POLR2D: variants seen among roughly 807,000 people sequenced by gnomAD.
POLR2D encodes the protein RNA polymerase II subunit D.
In POLR2D, 10 loss-of-function variants were observed where a neutral mutation model predicts 17.6. The observed-to-expected ratio is 0.57, with a 90% CI of 0.35 to 0.96. POLR2D has a LOEUF of 0.96. Among genes scored for constraint, POLR2D ranks in the 40% least tolerant of loss-of-function variants. The probability of loss-of-function intolerance (pLI) is 0.02; values close to 1 mark genes in which losing one functional copy is unlikely to be tolerated. For missense variants in POLR2D, 126 were observed against 176.4 expected (o/e 0.71, Z 1.62); for synonymous variants, 52 against 60.2 (o/e 0.86, Z 0.63).
chr2:127,856,677 A>G (rs755805097), intron 1 of POLR2D, among the ~76,000 whole-genome samples: 7 of 152,238 alleles, frequency 4.6e-5, no homozygotes, highest in Admixed American at 1.3e-4. Context: ...CAAAAAACAC[A>G]TAATAAACAT....
intron 1 of POLR2D, 78 bp downstream of exon 1, chr2:127,857,950 G>A: frequency 3.9e-6 from 6 of 1,533,174 alleles, no homozygotes; most frequent in Non-Finnish European, 5.3e-6. Context: ...GCAGGGCCTT[G>A]GGCGAAGCGC....
Position 127,845,071 on chromosome 2 carries a change from G to C in POLR2D, c.*3036C>G, listed in dbSNP as rs770572568. The C allele has an allele frequency of 6.6e-6, 1 of 152,194 alleles. No homozygotes were observed. The highest frequency in any genetic ancestry group is 1.5e-5 in the Non-Finnish European group (1 of 68,074). 9.4% of individuals were successfully genotyped at this position (152,194 alleles called of 1,614,324 possible). ...TCTCAGGTAGCTCACAGAACCCCTG[G>C]CACATAGGTGGAAACACCAGTAAAG... On this transcript the variant is annotated 3_prime_UTR_variant, in exon 4 of 4. Transcript: ENST00000272645.
chr2:127,851,683 C>T (rs893970678), intron 2 of POLR2D, among the ~76,000 whole-genome samples: 10 of 152,218 alleles, frequency 6.6e-5, no homozygotes, highest in African/African-American at 2.4e-4. Flanking sequence ...ACTCATTACA[C>T]ATTCTAAGTA....
chr2:127,851,158 G>A (rs1032393148), intron 2 of POLR2D, among the ~76,000 whole-genome samples: 1 of 152,176 alleles, frequency 6.6e-6, no homozygotes, highest in East Asian at 1.9e-4. Context: ...GGAGGCTGCA[G>A]TGAGCCAAGA....
intron 1 of POLR2D, among the ~76,000 whole-genome samples, chr2:127,855,484 G>C (rs1187432979): frequency 6.6e-6 from 1 of 151,502 alleles, no homozygotes; most frequent in Non-Finnish European, 1.5e-5. Context: ...GAACTTTTAG[G>C]ACACCAGGAA....
At chr2:127,857,916 G>T in intron 1 of POLR2D, 112 bp downstream of exon 1, 2 of 1,443,992 alleles carry the variant, frequency 1.4e-6, no homozygotes, top group South Asian at 1.4e-5. Context: ...CGCCGCGCTG[G>T]GGCTTGCCCA....
chr2:127,844,610 C>T lies in POLR2D; in HGVS notation c.*3497G>A, dbSNP rs1271375064. 1.3e-5 allele frequency: 2 copies of T among 152,172 alleles called. No individual in the cohort carries two copies. The highest frequency in any genetic ancestry group is 6.6e-5 in the Admixed American group (1 of 15,260). 9.4% of individuals were successfully genotyped at this position (152,172 alleles called of 1,614,324 possible). A position where few individuals can be genotyped will look rare whatever the true frequency, so the allele number is the denominator to read the frequency against. On this transcript the variant is annotated 3_prime_UTR_variant, in exon 4 of 4. Transcript: ENST00000272645. ...TGACCAGGCTTTCAACCTACAACAG[C>T]ATGAGGTTGCTTTACCAAGTTCCCT...
intron 1 of POLR2D, among the ~76,000 whole-genome samples, chr2:127,855,231 A>G (rs1416460738): frequency 1.3e-5 from 2 of 151,872 alleles, no homozygotes; most frequent in Non-Finnish European, 2.9e-5. Flanking sequence ...CATCTCTACT[A>G]AAAATACAAA....
intron 2 of POLR2D, among the ~76,000 whole-genome samples, chr2:127,851,185 C>T (rs937549164): frequency 3.4e-4 from 52 of 152,286 alleles, no homozygotes; most frequent in African/African-American, 1.2e-3. Context: ...CACTGCACTC[C>T]AGCCTGGGTG....
rs368249434 is a variant in POLR2D at position 127,858,078 on chromosome 2, G to T, written c.23C>A (p.Pro8Gln). The change falls in exon 1 of 4, where the codon CCG becomes CAG. Residue 8 changes from proline to glutamine, a missense_variant. By Grantham distance (76) the Pro-to-Gln change is moderately conservative. Around this residue, in one of 2 missense-constraint regions of POLR2D, gnomAD observed 41 missense variants for 24.9 expected, o/e 1.64. Coordinates refer to ENST00000272645, the MANE Select transcript of POLR2D (RefSeq NM_004805.4). Reference sequence around the variant, plus strand: ...GTCCTCCTCTACGTCGCCAGCCCGCGGATCGCTGCCACCCGCCGCCATCGC... The same window carrying T: ...GTCCTCCTCTACGTCGCCAGCCCGCTGATCGCTGCCACCCGCCGCCATCGC... MAAGGSD[P>Q]RAGDVEEDAS... is the part of the protein sequence containing the mutation. 2 of 1,538,188 alleles carry T rather than the reference G, an allele frequency of 1.3e-6. No homozygotes were observed. Among genetic ancestry groups the T allele is most frequent in the South Asian group, 1.2e-5 (1 of 82,860 alleles).
At position 127,852,943 on chromosome 2, in the gene POLR2D, G is replaced by A. The variant is rs374268513; in HGVS notation, c.236C>T (p.Thr79Ile). 6.2e-7 allele frequency: 1 copy of A among 1,613,566 alleles called. No homozygotes were observed. Among genetic ancestry groups the A allele is most frequent in the South Asian group, 1.1e-5 (1 of 90,944 alleles). The change falls in exon 2 of 4, where the codon ACC becomes ATC. Residue 79 changes from threonine (T) to isoleucine (I), a missense_variant. Around this residue, in one of 2 missense-constraint regions of POLR2D, gnomAD observed 85 missense variants for 151.4 expected, o/e 0.56. Transcript: ENST00000272645. This position sits in a 1 kb window ranked among gnomAD's most constrained non-coding sequence, Gnocchi z 4.0. Reference protein sequence around the residue: ...ARFSRFKNRETIASVRSLLLQ... With the variant: ...ARFSRFKNREIIASVRSLLLQ... ...CACTCACCTACGAACACTGGCAATG[G>A]TCTCTCTGTTTTTGAAACGACTGAA...
At position 127,848,310 on chromosome 2, in the gene POLR2D, C is replaced by A. The variant is rs1056380968; in HGVS notation, c.351-125G>T. On this transcript the variant is annotated intron_variant, in intron 3 of 3. Coordinates refer to ENST00000272645, the MANE Select transcript of POLR2D (RefSeq NM_004805.4). ...TTACCTTTCATCTGGATTTCTTTTC[C>A]ACTTTTCCTGATAAAACATTACAAA... The A allele has an allele frequency of 2.6e-5, 16 of 606,232 alleles. 1 individual carries two copies. In the South Asian group the frequency reaches 3.4e-4, roughly 13 times the overall value. The allele number at this position is 606,232 out of a possible 1,614,324, so 37.6% of individuals were successfully genotyped here. A position where few individuals can be genotyped will look rare whatever the true frequency, so the allele number is the denominator to read the frequency against.
Position 127,846,470 on chromosome 2 carries a change from A to C in POLR2D, c.*1637T>G, listed in dbSNP as rs1487112739. Reference sequence around the variant, plus strand: ...CAAAGCTAGAATGTTTAGCTATTGAAGTGTTTTCCCCCAGACTGAGATCAA... The same window carrying C: ...CAAAGCTAGAATGTTTAGCTATTGACGTGTTTTCCCCCAGACTGAGATCAA... On this transcript the variant is annotated 3_prime_UTR_variant, in exon 4 of 4. Transcript: ENST00000272645. The C allele has an allele frequency of 2.0e-5, 3 of 152,120 alleles. No homozygotes were observed. The highest frequency in any genetic ancestry group is 7.2e-5 in the African/African-American group (3 of 41,432). The allele number at this position is 152,120 out of a possible 1,614,324, so 9.4% of individuals were successfully genotyped here.
chr2:127,853,319 A>T (rs1690278893), intron 1 of POLR2D, among the ~76,000 whole-genome samples: 2 of 152,184 alleles, frequency 1.3e-5, no homozygotes. Context: ...TTTGGCGAAC[A>T]GACTATTTTG....
In POLR2D at chr2:127,847,233, G is replaced by A. The variant is rs1690172088; in HGVS notation, c.*874C>T. ...GTAGCCATCTATCTCAAGGGGCTAT[G>A]GGCTCCACAATACTTAGCACTTGTC... is the stretch of plus-strand genomic sequence containing the variant. On this transcript the variant is annotated 3_prime_UTR_variant, in exon 4 of 4. Coordinates refer to ENST00000272645, the MANE Select transcript of POLR2D (RefSeq NM_004805.4). 1.3e-5 allele frequency: 2 copies of A among 152,302 alleles called. No homozygotes were observed. The highest frequency in any genetic ancestry group is 4.1e-4 in the South Asian group (2 of 4,830). The allele number at this position is 152,302 out of a possible 1,614,324, so 9.4% of individuals were successfully genotyped here.
In POLR2D at chr2:127,844,395, T is replaced by C. The variant is rs1359324958; in HGVS notation, c.*3712A>G. On this transcript the variant is annotated 3_prime_UTR_variant, in exon 4 of 4. Transcript: ENST00000272645. Reference sequence around the variant, plus strand: ...GACTTATCTGGTTAATTTAGCTTTCTGGTGAAGTGAGGGTTTGACAACCTA... The same window carrying C: ...GACTTATCTGGTTAATTTAGCTTTCCGGTGAAGTGAGGGTTTGACAACCTA... 3.9e-5 allele frequency: 6 copies of C among 152,270 alleles called. No homozygotes were observed. Among genetic ancestry groups the C allele is most frequent in the Non-Finnish European group, 8.8e-5 (6 of 68,052 alleles). The allele number at this position is 152,270 out of a possible 1,614,324, so 9.4% of individuals were successfully genotyped here.
At position 127,847,325 on chromosome 2, in the gene POLR2D, G is replaced by C. The variant is rs1690173634; in HGVS notation, c.*782C>G. 1 of 152,190 alleles carries C rather than the reference G, an allele frequency of 6.6e-6. No individual in the cohort carries two copies. Among genetic ancestry groups the C allele is most frequent in the Non-Finnish European group, 1.5e-5 (1 of 68,112 alleles). The allele number at this position is 152,190 out of a possible 1,614,324, so 9.4% of individuals were successfully genotyped here. A position where few individuals can be genotyped will look rare whatever the true frequency, so the allele number is the denominator to read the frequency against. ...CCAGGTTAGGCACAACGATGCCAAG[G>C]TGCTGTCATCGACACTCCCATCCTT... On this transcript the variant is annotated 3_prime_UTR_variant, in exon 4 of 4. Transcript: ENST00000272645.
At chr2:127,855,392 C>A (rs1438029019) in intron 1 of POLR2D, among the ~76,000 whole-genome samples, 8 of 97,464 alleles carry the variant, frequency 8.2e-5, no homozygotes, top group East Asian at 3.3e-4. Context: ...GAAACTCCGT[C>A]TCAAAAAAAA....
rs1390593734 is a variant in POLR2D, at chr2:127,845,015, C to T, written c.*3092G>A. 2.0e-5 allele frequency: 3 copies of T among 152,160 alleles called. No individual in the cohort carries two copies. Among genetic ancestry groups the T allele is most frequent in the Admixed American group, 1.3e-4 (2 of 15,268 alleles). 9.4% of individuals were successfully genotyped at this position (152,160 alleles called of 1,614,324 possible). ...ATAAATACCACTGATTAGTGCCTAA[C>T]TATGTGCCAGAGCATTATATACTTC... On this transcript the variant is annotated 3_prime_UTR_variant, in exon 4 of 4. Coordinates refer to ENST00000272645, the MANE Select transcript of POLR2D (RefSeq NM_004805.4).
Sources: allele counts gnomAD v4.1 joint callset (sites outside exome capture counted in the v4.1 genomes callset), GRCh38; gene constraint gnomAD v4.1.1; regional missense constraint gnomAD v4.1.1; non-coding constraint Gnocchi (gnomAD v3.1); transcripts MANE v1.5; gene names NCBI Gene and HGNC (gene_info 2026-07-23, HGNC 2026-07-21).